POGK: variants seen among roughly 807,000 people sequenced by gnomAD.
POGK encodes the protein pogo transposable element with KRAB domain.
POGK carries 16 observed loss-of-function variants against 54.4 expected under a neutral mutation model. The ratio of observed to expected loss-of-function variants is 0.29; its 90% CI spans 0.20 to 0.45. POGK has a LOEUF of 0.45. POGK is among the 20% of genes least tolerant of loss of function. The pLI is 1.00. For synonymous variants in POGK, 271 were observed against 302.2 expected (o/e 0.90, Z 1.07); for missense variants, 515 against 795.6 (o/e 0.65, Z 4.24).
rs1177741915 is a variant in POGK, at chr1:166,856,043, T to C, written c.*3473T>C. The C allele has an allele frequency of 1.3e-5, 2 of 152,106 alleles. No homozygotes were observed. Among genetic ancestry groups the C allele is most frequent in the East Asian group, 1.9e-4 (1 of 5,200 alleles). The allele number at this position is 152,106 out of a possible 1,614,324, so 9.4% of individuals were successfully genotyped here. On this transcript the variant is annotated 3_prime_UTR_variant, in exon 6 of 6. Transcript: ENST00000367876. ...ATCTATACATAAGAAATTACATACCTGGCCAGGTGCAGTAGTTCAGGCCTG... is the reference window on the plus strand; with the variant it reads ...ATCTATACATAAGAAATTACATACCCGGCCAGGTGCAGTAGTTCAGGCCTG...
chr1:166,852,125 C>A (rs576917013), intron 5 of POGK: 1 of 152,332 alleles, frequency 6.6e-6, no homozygotes, highest in Admixed American at 6.5e-5. Context: ...TCCAGCCTCC[C>A]TTTTCTGCTG....
chr1:166,848,855 T>C (rs1657942042), intron 4 of POGK, 83 bp from the exon 5 acceptor site: 3 of 1,477,942 alleles, frequency 2.0e-6, no homozygotes, highest in Admixed American at 2.3e-5. Context: ...TAAGGTATTC[T>C]TAGCATTTCA....
chr1:166,846,844 C>A, intron 3 of POGK, 106 bp downstream of exon 3: 1 of 1,418,232 alleles, frequency 7.1e-7, no homozygotes, highest in Non-Finnish European at 9.7e-7. Context: ...TGAACTTAGA[C>A]TCTGCCTCCT....
intron 2 of POGK, among the ~76,000 whole-genome samples, chr1:166,841,453 G>A (rs1376523842): frequency 6.6e-6 from 1 of 152,146 alleles, no homozygotes; most frequent in Non-Finnish European, 1.5e-5. Flanking sequence ...AATAAGACTC[G>A]AGTCATTGGG....
chr1:166,851,077 T>C (rs1169936463), intron 5 of POGK: 1 of 152,246 alleles, frequency 6.6e-6, no homozygotes, highest in Non-Finnish European at 1.5e-5. Flanking sequence ...AAGCATAGTC[T>C]GACGTTGTTC....
Position 166,850,408 on chromosome 1 carries a change from G to A in POGK, c.1829G>A (p.Ter610=), listed in dbSNP as rs768242334. Residue 610 remains the stop codon, a stop_retained_variant, in exon 5 of 6, where the codon TGA becomes TAA. Coordinates refer to ENST00000367876, the MANE Select transcript of POGK (RefSeq NM_017542.5). ...CDTESMAESN[*] ...ACCGAAAGCATGGCTGAGAGCAACT[G>A]AAGGGAAAGGGAAAGGTAACCACTC... 2 of 1,601,404 alleles carry A rather than the reference G, an allele frequency of 1.2e-6. No individual in the cohort carries two copies. Among genetic ancestry groups the A allele is most frequent in the Non-Finnish European group, 1.7e-6 (2 of 1,175,984 alleles).
intron 2 of POGK, 39 bp from the exon 3 acceptor site, chr1:166,846,573 G>T (rs1657857993): frequency 1.2e-6 from 2 of 1,613,188 alleles, no homozygotes; most frequent in Non-Finnish European, 1.7e-6. Flanking sequence ...GTCTGCATAT[G>T]CCTGTTTGTC....
chr1:166,852,207 T>C (rs1284884592), intron 5 of POGK: 2 of 152,260 alleles, frequency 1.3e-5, no homozygotes, highest in African/African-American at 4.8e-5. Context: ...ATTTACCTTT[T>C]GCTTTTCCCT....
Position 166,855,275 on chromosome 1 carries a change from G to GT in POGK, c.*2709dup, listed in dbSNP as rs1658236356. The GT allele has an allele frequency of 6.6e-6, 1 of 152,114 alleles. No homozygotes were observed. The highest frequency in any genetic ancestry group is 6.5e-5 in the Admixed American group (1 of 15,276). 9.4% of individuals were successfully genotyped at this position (152,114 alleles called of 1,614,324 possible). ...GATAAATTCCTGCAGGAAAAAATAAGTTTTATTCTAAGTCTGAAATTATAT... is the reference window on the plus strand; with the variant it reads ...GATAAATTCCTGCAGGAAAAAATAAGTTTTTATTCTAAGTCTGAAATTATAT... On this transcript the variant is annotated 3_prime_UTR_variant, in exon 6 of 6. Transcript: ENST00000367876.
In POGK at chr1:166,855,873, G is replaced by A. The variant is rs1658256463; in HGVS notation, c.*3303G>A. 9.5e-6 allele frequency: 1 copy of A among 104,836 alleles called. No homozygotes were observed. Among genetic ancestry groups the A allele is most frequent in the Non-Finnish European group, 1.9e-5 (1 of 53,228 alleles). 6.5% of individuals were successfully genotyped at this position (104,836 alleles called of 1,614,324 possible). ...GGCAGCATTAAGGCCCAGGTATATTGAGTAGTCCAAACCAAAAAACTATAT... is the reference window on the plus strand; with the variant it reads ...GGCAGCATTAAGGCCCAGGTATATTAAGTAGTCCAAACCAAAAAACTATAT... On this transcript the variant is annotated 3_prime_UTR_variant, in exon 6 of 6. Transcript: ENST00000367876.
rs993446340 is a variant in POGK at position 166,853,368 on chromosome 1, CTTGT to C, written c.*801_*804del. 2.0e-5 allele frequency: 3 copies of C among 152,524 alleles called. No individual in the cohort carries two copies. Among genetic ancestry groups the C allele is most frequent in the East Asian group, 1.9e-4 (1 of 5,196 alleles). 9.4% of individuals were successfully genotyped at this position (152,524 alleles called of 1,614,324 possible). A position where few individuals can be genotyped will look rare whatever the true frequency, so the allele number is the denominator to read the frequency against. ...TAGGGCAGGATTTCGTATGCAAGCT[CTTGT>C]TTCTCAGGCTGCCTGCAGAAGAAGT... On this transcript the variant is annotated 3_prime_UTR_variant, in exon 6 of 6. Transcript: ENST00000367876.
chr1:166,850,473 T>TA, intron 5 of POGK, 50 bp downstream of exon 5: 1 of 1,514,214 alleles, frequency 6.6e-7, no homozygotes. Context: ...ATGTCTGTGT[T>TA]CTACAAACAC....
chr1:166,849,659 G>A lies in POGK; in HGVS notation c.1080G>A (p.Met360Ile), dbSNP rs1657981916. ...RRAHDYEVAQ[M>I]GNADETPICL... ...CGCATGACTATGAGGTAGCTCAGAT[G>A]GGGAATGCAGATGAGACGCCCATTT... Residue 360 changes from methionine to isoleucine, a missense_variant, in exon 5 of 6, where the codon ATG (methionine) becomes ATA (isoleucine). Physicochemically the swap from Met to Ile is conservative, Grantham distance 10. This residue lies in a region of POGK where 461 missense variants were observed against 743.5 expected (regional missense o/e 0.62). Coordinates refer to ENST00000367876, the MANE Select transcript of POGK (RefSeq NM_017542.5). 1.2e-6 allele frequency: 2 copies of A among 1,614,276 alleles called. 1 individual carries two copies. Among genetic ancestry groups the A allele is most frequent in the South Asian group, 2.2e-5 (2 of 91,090 alleles).
Position 166,848,967 on chromosome 1 carries a change from G to T in POGK, c.388G>T (p.Asp130Tyr), listed in dbSNP as rs779182131. ...TGAAGAATCTGACGTAAAGCCTCCAGACTGGCCAAACCCAATGAATGCTAC... is the reference window on the plus strand; with the variant it reads ...TGAAGAATCTGACGTAAAGCCTCCATACTGGCCAAACCCAATGAATGCTAC... ...ENEESDVKPP[D>Y]WPNPMNATSQ... Residue 130 changes from aspartate to tyrosine, a missense_variant, in exon 5 of 6, where the codon GAC becomes TAC. Coordinates refer to ENST00000367876, the MANE Select transcript of POGK (RefSeq NM_017542.5). The T allele has an allele frequency of 1.1e-5, 18 of 1,609,972 alleles. No homozygotes were observed. In the South Asian group the frequency reaches 2.0e-4, roughly 18 times the overall value.
intron 1 of POGK, chr1:166,840,111 T>A (rs937618382): frequency 2.0e-5 from 3 of 152,248 alleles, no homozygotes; most frequent in African/African-American, 7.2e-5. Flanking sequence ...GGAACCGACT[T>A]TGAACTCCAG....
chr1:166,848,832 G>A (rs758821584), intron 4 of POGK, 106 bp from the exon 5 acceptor site: 1 of 1,412,906 alleles, frequency 7.1e-7, no homozygotes, highest in East Asian at 2.3e-5. Context: ...ACTACTTTTG[G>A]TGAACTTCAG....
Position 166,849,385 on chromosome 1 carries a change from A to G in POGK, c.806A>G (p.Tyr269Cys). 6.2e-7 allele frequency: 1 copy of G among 1,614,242 alleles called. No individual in the cohort carries two copies. Among genetic ancestry groups the G allele is most frequent in the Non-Finnish European group, 8.5e-7 (1 of 1,180,046 alleles). The stretch of plus-strand genomic sequence containing the variant: ...CTGGTGGACCAGCGTGTGGCCGAAT[A>G]TGTCAGATACATGCAGGCCAAAGGG... The part of the protein sequence containing the change: ...FALVDQRVAE[Y>C]VRYMQAKGDP... Residue 269 changes from tyrosine to cysteine, a missense_variant, in exon 5 of 6, where the codon TAT becomes TGT. Physicochemically the swap from Tyr to Cys is radical, Grantham distance 194 (BLOSUM62 -2). Around this residue, in one of 2 missense-constraint regions of POGK, gnomAD observed 461 missense variants for 743.5 expected, o/e 0.62. Transcript: ENST00000367876.
At chr1:166,851,225 T>C (rs535287739) in intron 5 of POGK, 2 of 152,302 alleles carry the variant, frequency 1.3e-5, no homozygotes, top group Admixed American at 6.5e-5. Flanking sequence ...GACTGTGACA[T>C]AGGGAGAACA....
rs1411380643 is a variant in POGK at position 166,855,798 on chromosome 1, C to T, written c.*3228C>T. 2 of 152,248 alleles carry T rather than the reference C, an allele frequency of 1.3e-5. No homozygotes were observed. Among genetic ancestry groups the T allele is most frequent in the Non-Finnish European group, 2.9e-5 (2 of 68,066 alleles). The allele number at this position is 152,248 out of a possible 1,614,324, so 9.4% of individuals were successfully genotyped here. On this transcript the variant is annotated 3_prime_UTR_variant, in exon 6 of 6. Transcript: ENST00000367876. ...GGGCAGCAGGACACGGTCAAGGCTCCTAGCTGCCTCTCCATCTATGGAACT... is the reference window on the plus strand; with the variant it reads ...GGGCAGCAGGACACGGTCAAGGCTCTTAGCTGCCTCTCCATCTATGGAACT...
Sources: allele counts gnomAD v4.1 joint callset (sites outside exome capture counted in the v4.1 genomes callset), GRCh38; gene constraint gnomAD v4.1.1; regional missense constraint gnomAD v4.1.1; transcripts MANE v1.5; gene names NCBI Gene and HGNC (gene_info 2026-07-23, HGNC 2026-07-21).